Variants in DSCAML1 observed in about 807,000 individuals in gnomAD.
DSCAML1 encodes DS cell adhesion molecule like 1.
A neutral mutation model predicts 200.5 loss-of-function variants in DSCAML1; 38 were observed. The observed-to-expected ratio is 0.19, with a 90% CI of 0.15 to 0.25. DSCAML1 has a LOEUF of 0.25. DSCAML1 is among the 10% of genes least tolerant of loss of function. The pLI, the probability that DSCAML1 is intolerant of heterozygous loss-of-function variation, is 1.00. For missense variants in DSCAML1, 2,223 were observed against 2,858.8 expected (o/e 0.78, Z 5.07); for synonymous variants, 1,215 against 1,165.0 (o/e 1.04, Z -0.87).
Position 117,481,952 on chromosome 11 carries a change from G to C in DSCAML1, c.2559+11C>G. ...GTTGGGGTCCCCCAGCACTGAGGTG[G>C]GGGTGCTCACCTTCAGTGTGGAGAC... is the stretch of plus-strand genomic sequence containing the variant. On this transcript the variant is annotated intron_variant, in intron 12 of 32. Transcript: ENST00000651296. The C allele has an allele frequency of 6.2e-7, 1 of 1,613,802 alleles. No individual in the cohort carries two copies. Among genetic ancestry groups the C allele is most frequent in the Non-Finnish European group, 8.5e-7 (1 of 1,179,960 alleles).
intron 1 of DSCAML1, among the ~76,000 whole-genome samples, chr11:117,806,489 C>T (rs540080583): frequency 2.8e-4 from 42 of 152,296 alleles, no homozygotes; most frequent in African/African-American, 9.4e-4. Context: ...CTTCTTTTGG[C>T]AAATCATAAT....
At chr11:117,450,063 C>T (rs1013847940) in intron 20 of DSCAML1, among the ~76,000 whole-genome samples, 12 of 152,214 alleles carry the variant, frequency 7.9e-5, no homozygotes, top group South Asian at 2.1e-4. Flanking sequence ...GGTCGAGAGA[C>T]GCCTGTGCCT....
intron 3 of DSCAML1, among the ~76,000 whole-genome samples, chr11:117,563,636 T>C (rs1404500672): frequency 2.0e-5 from 3 of 152,168 alleles, no homozygotes; most frequent in African/African-American, 4.8e-5. Flanking sequence ...GCATTCACTT[T>C]CTCTTGTTTG....
At chr11:117,727,771 T>G (rs1029988812) in intron 3 of DSCAML1, among the ~76,000 whole-genome samples, 1 of 152,206 alleles carries the variant, frequency 6.6e-6, no homozygotes, top group Non-Finnish European at 1.5e-5. Context: ...GAAGGGGCTG[T>G]CAGTGCTCCT....
intron 3 of DSCAML1, among the ~76,000 whole-genome samples, chr11:117,721,690 TA>T (rs2054043641): frequency 6.8e-6 from 1 of 147,766 alleles, no homozygotes; most frequent in African/African-American, 2.4e-5. Flanking sequence ...AGCATATATT[TA>T]TATATAAAAA....
At chr11:117,615,485 A>G (rs1044127037) in intron 3 of DSCAML1, among the ~76,000 whole-genome samples, 3 of 152,142 alleles carry the variant, frequency 2.0e-5, no homozygotes, top group Non-Finnish European at 1.5e-5. Flanking sequence ...ACATGACTAT[A>G]AGAAGCAAGT....
At position 117,776,782 on chromosome 11, in the gene DSCAML1, G is replaced by A. The variant is rs534853608; in HGVS notation, c.511+9C>T. The A allele has an allele frequency of 3.4e-5, 55 of 1,614,024 alleles. No individual in the cohort carries two copies. Among genetic ancestry groups the A allele is most frequent in the Middle Eastern group, 3.3e-4 (2 of 6,040 alleles). On this transcript the variant is annotated intron_variant, in intron 3 of 32. Transcript: ENST00000651296. Reference sequence around the variant, plus strand: ...CCTCTGTCTGCCGCAGCCCCGGGACGCTTCTTACCTGGGATGATGGAGACT... The same window carrying A: ...CCTCTGTCTGCCGCAGCCCCGGGACACTTCTTACCTGGGATGATGGAGACT...
intron 15 of DSCAML1, among the ~76,000 whole-genome samples, chr11:117,471,595 T>A (rs534127070): frequency 1.3e-5 from 2 of 152,326 alleles, no homozygotes; most frequent in South Asian, 2.1e-4. Context: ...TAGTACCCTA[T>A]CTTGCAGATA....
intron 3 of DSCAML1, among the ~76,000 whole-genome samples, chr11:117,559,352 C>T (rs1286019511): frequency 1.3e-5 from 2 of 152,088 alleles, no homozygotes; most frequent in Non-Finnish European, 2.9e-5. Context: ...TGTCACTGAC[C>T]CCGAGTTTTT....
chr11:117,682,392 A>T (rs1312644861), intron 3 of DSCAML1, among the ~76,000 whole-genome samples: 2 of 152,044 alleles, frequency 1.3e-5, no homozygotes, highest in Non-Finnish European at 2.9e-5. Context: ...CCTCTGCCTG[A>T]CCGTGCCTCT....
At chr11:117,433,590 C>T in intron 27 of DSCAML1, 119 bp from the exon 28 acceptor site, 1 of 1,081,362 alleles carries the variant, frequency 9.2e-7, no homozygotes, top group Admixed American at 2.8e-5. Flanking sequence ...GGGCTGGTCT[C>T]CTAAGAAGCA....
At chr11:117,636,683 G>T (rs1305098959) in intron 3 of DSCAML1, among the ~76,000 whole-genome samples, 1 of 152,154 alleles carries the variant, frequency 6.6e-6, no homozygotes, top group Non-Finnish European at 1.5e-5. Context: ...TTAGAATCAG[G>T]TCCTGGGCTT....
At position 117,480,011 on chromosome 11, in the gene DSCAML1, G is replaced by A. The variant is rs562028374; in HGVS notation, c.2785+432C>T. On this transcript the variant is annotated intron_variant, in intron 14 of 32. Transcript: ENST00000651296. The surrounding 1 kb of genome is among the most constrained non-coding windows in gnomAD (Gnocchi z 4.1). Reference sequence around the variant, plus strand: ...CCAGGGCCTCCTATCCCCCACTCATGGGGACCATTCTTAGGACCAGCTCTC... The same window carrying A: ...CCAGGGCCTCCTATCCCCCACTCATAGGGACCATTCTTAGGACCAGCTCTC... Among the ~76,000 whole-genome samples the A allele has an allele frequency of 3.9e-4, 60 of 152,228 alleles. No individual in the cohort carries two copies. Among genetic ancestry groups the A allele is most frequent in the Non-Finnish European group, 4.1e-4 (28 of 68,014 alleles).
chr11:117,598,516 C>T (rs902809684), intron 3 of DSCAML1, among the ~76,000 whole-genome samples: 3 of 152,302 alleles, frequency 2.0e-5, no homozygotes, highest in South Asian at 4.1e-4. Flanking sequence ...CATGCAGCCA[C>T]GGAAGCTGGG....
chr11:117,759,254 C>T (rs2054755237), intron 3 of DSCAML1, among the ~76,000 whole-genome samples: 1 of 152,176 alleles, frequency 6.6e-6, no homozygotes, highest in Admixed American at 6.5e-5. Context: ...ACCAATTCTA[C>T]CACCTGCATG....
intron 3 of DSCAML1, among the ~76,000 whole-genome samples, chr11:117,761,834 G>A (rs547528291): frequency 6.6e-6 from 1 of 152,340 alleles, no homozygotes; most frequent in Admixed American, 6.5e-5. Flanking sequence ...CTATGCCCCT[G>A]CACTTCAGCC....
chr11:117,738,419 GA>G (rs1426837628), intron 3 of DSCAML1, among the ~76,000 whole-genome samples: 2 of 151,788 alleles, frequency 1.3e-5, no homozygotes, highest in African/African-American at 4.8e-5. Context: ...ACGTCAGCCA[GA>G]CCCCTCTGGC....
intron 3 of DSCAML1, among the ~76,000 whole-genome samples, chr11:117,574,797 C>T (rs2137444760): frequency 6.6e-6 from 1 of 152,314 alleles, no homozygotes; most frequent in Middle Eastern, 3.4e-3. Flanking sequence ...GCAGCATGTG[C>T]AAAGAGCAGT....
At chr11:117,628,427 G>A (rs1002727552) in intron 3 of DSCAML1, among the ~76,000 whole-genome samples, 5 of 152,168 alleles carry the variant, frequency 3.3e-5, no homozygotes, top group African/African-American at 4.8e-5. Flanking sequence ...CCTCGTGCAG[G>A]GAGAAGCACC....
Sources: allele counts gnomAD v4.1 joint callset (sites outside exome capture counted in the v4.1 genomes callset), GRCh38; gene constraint gnomAD v4.1.1; non-coding constraint Gnocchi (gnomAD v3.1); transcripts MANE v1.5; gene names NCBI Gene and HGNC (gene_info 2026-07-23, HGNC 2026-07-21).